The following BTNL8 variants were observed in gnomAD, a reference collection of about 807,000 sequenced individuals.
BTNL8 encodes the protein butyrophilin like 8, also known as butyrophilin-like protein 8.
BTNL8 carries 22 observed loss-of-function variants against 36.1 expected under a neutral mutation model. That is an observed-to-expected ratio of 0.61 (90% CI 0.44 to 0.87). The LOEUF (loss-of-function observed/expected upper bound fraction) is 0.87, where lower values mean the gene tolerates loss of function less well. BTNL8 is among the 40% of genes least tolerant of loss of function. The probability of loss-of-function intolerance (pLI) is 0.00; values close to 1 mark genes in which losing one functional copy is unlikely to be tolerated. For missense variants in BTNL8, 526 were observed against 616.9 expected, an observed-to-expected ratio of 0.85 and a Z score of 1.56; for synonymous variants, 203 against 235.6, an observed-to-expected ratio of 0.86 and a Z score of 1.27.
At chr5:180,948,688 A>ACT (rs1428020550) in intron 5 of BTNL8, 1 of 625,468 alleles carries the variant, frequency 1.6e-6, no homozygotes, top group African/African-American at 2.2e-5. Flanking sequence ...CACAGTGAGG[A>ACT]ACCTGAGAAA....
intron 3 of BTNL8, among the ~76,000 whole-genome samples, chr5:180,912,202 C>G (rs1757431544): frequency 6.6e-6 from 1 of 152,116 alleles, no homozygotes; most frequent in Non-Finnish European, 1.5e-5. Flanking sequence ...GACTTTTGGA[C>G]AGGAGTGACA....
chr5:180,942,751 T>G lies in BTNL8; in HGVS notation c.674-4761T>G, dbSNP rs187281883. On this transcript the variant is annotated intron_variant, in intron 3 of 7. Transcript: ENST00000340184. The stretch of plus-strand genomic sequence containing the variant: ...AGTATCAATATGCAGAAGAATGAAC[T>G]AACCCCTATCTCTCACCATATATAA... Among the ~76,000 whole-genome samples, 136 of 152,090 alleles carry G rather than the reference T, an allele frequency of 8.9e-4. 1 individual carries two copies. The highest frequency in any genetic ancestry group is 2.0e-3 in the Admixed American group (30 of 15,284).
At chr5:180,946,444 G>A (rs1336897482) in intron 3 of BTNL8, among the ~76,000 whole-genome samples, 1 of 152,158 alleles carries the variant, frequency 6.6e-6, no homozygotes, top group African/African-American at 2.4e-5. Flanking sequence ...AAAAAAGGAT[G>A]GACATTTTGT....
At position 180,950,103 on chromosome 5, in the gene BTNL8, C is replaced by T. The variant is rs757779355; in HGVS notation, c.1062C>T (p.Arg354=). Residue 354 remains arginine (R), a synonymous_variant, in exon 8 of 8, where the codon CGC becomes CGT. Coordinates refer to ENST00000340184, the MANE Select transcript of BTNL8 (RefSeq NM_001040462.3). ...ACGGAGGACACAATAAAAGGTGGCG[C>T]GTGGGAGTGTGCCGGGATGATGTGG... is the stretch of plus-strand genomic sequence containing the variant. ...EVDGGHNKRW[R]VGVCRDDVDR... 7.5e-6 allele frequency: 11 copies of T among 1,462,506 alleles called. 2 individuals carry two copies. In the East Asian group the frequency reaches 1.5e-4, roughly 19 times the overall value. The allele number at this position is 1,462,506 out of a possible 1,614,324, so 90.6% of individuals were successfully genotyped here.
chr5:180,950,361 G>A lies in BTNL8; in HGVS notation c.1320G>A (p.Leu440=). 1 of 1,463,122 alleles carries A rather than the reference G, an allele frequency of 6.8e-7. No individual in the cohort carries two copies. The highest frequency in any genetic ancestry group is 9.4e-7 in the Non-Finnish European group (1 of 1,058,964). 90.6% of individuals were successfully genotyped at this position (1,463,122 alleles called of 1,614,324 possible). A position where few individuals can be genotyped will look rare whatever the true frequency, so the allele number is the denominator to read the frequency against. ...TGACATGTCGGTTTGAAGGCTTATT[G>A]AGGCCCTACATTGAGTATCCGTCCT... is the stretch of plus-strand genomic sequence containing the variant. The part of the protein sequence containing the change: ...YTLTCRFEGL[L]RPYIEYPSYN... Residue 440 remains leucine, a synonymous_variant, in exon 8 of 8, where the codon TTG becomes TTA. Transcript: ENST00000340184.
intron 3 of BTNL8, among the ~76,000 whole-genome samples, chr5:180,930,624 A>G (rs1399412259): frequency 6.6e-6 from 1 of 152,216 alleles, no homozygotes; most frequent in Non-Finnish European, 1.5e-5. Context: ...TCGGGATACA[A>G]AATCAATGTG....
intron 3 of BTNL8, among the ~76,000 whole-genome samples, chr5:180,921,013 A>T (rs1757839109): frequency 6.6e-6 from 1 of 152,076 alleles, no homozygotes; most frequent in Admixed American, 6.6e-5. Context: ...CAGATTCCTT[A>T]AAAAAATACA....
chr5:180,913,110 G>T (rs541951216), intron 3 of BTNL8, among the ~76,000 whole-genome samples: 1 of 152,222 alleles, frequency 6.6e-6, no homozygotes, highest in East Asian at 1.9e-4. Flanking sequence ...AATGTGAGGG[G>T]GCATTGACTG....
chr5:180,900,123 A>G (rs1412652676), intron 1 of BTNL8, among the ~76,000 whole-genome samples: 2 of 152,236 alleles, frequency 1.3e-5, no homozygotes, highest in East Asian at 1.9e-4. Context: ...CCTTAAAACA[A>G]AAACCCATAT....
chr5:180,902,679 C>T (rs997412815), intron 1 of BTNL8, among the ~76,000 whole-genome samples: 1 of 143,204 alleles, frequency 7.0e-6, no homozygotes, highest in African/African-American at 2.6e-5. Context: ...TCCCCCCTCC[C>T]CCTACCCCAC....
chr5:180,949,657 A>T (rs1582071388), intron 7 of BTNL8: 1 of 558,996 alleles, frequency 1.8e-6, no homozygotes. Context: ...GTATGAAGGG[A>T]CAGTGGCAGG....
At chr5:180,901,707 G>A (rs1756827015) in intron 1 of BTNL8, among the ~76,000 whole-genome samples, 1 of 152,128 alleles carries the variant, frequency 6.6e-6, no homozygotes, top group Non-Finnish European at 1.5e-5. Context: ...AGTTTCAAAA[G>A]CGAGGTGAGG....
At chr5:180,947,804 T>C (rs748413340) in intron 4 of BTNL8, 179 bp downstream of exon 4, 2 of 1,591,792 alleles carry the variant, frequency 1.3e-6, no homozygotes, top group African/African-American at 1.4e-5. Flanking sequence ...TCTGGAAATA[T>C]CAACTACGAC....
Position 180,899,192 on chromosome 5 carries a change from G to C in BTNL8, c.-119G>C. On this transcript the variant is annotated 5_prime_UTR_variant, in exon 1 of 8. Transcript: ENST00000340184. ...GCAGTTTGCCCTCCGCTCACGCAGA[G>C]CCTCTCCGTGGCTTCCGCACCTTGA... 1 of 1,203,556 alleles carries C rather than the reference G, an allele frequency of 8.3e-7. No individual in the cohort carries two copies. The highest frequency in any genetic ancestry group is 1.2e-6 in the Non-Finnish European group (1 of 819,120). The allele number at this position is 1,203,556 out of a possible 1,614,324, so 74.6% of individuals were successfully genotyped here.
chr5:180,901,012 T>A (rs559109844), intron 1 of BTNL8, among the ~76,000 whole-genome samples: 1 of 152,264 alleles, frequency 6.6e-6, no homozygotes, highest in African/African-American at 2.4e-5. Flanking sequence ...GACGGAGCTG[T>A]CAGCAGGCAG....
chr5:180,934,793 C>A (rs1758566980), intron 3 of BTNL8, among the ~76,000 whole-genome samples: 1 of 152,194 alleles, frequency 6.6e-6, no homozygotes, highest in Admixed American at 6.5e-5. Context: ...GGAAGGGCTG[C>A]AGCTCTTCTC....
intron 3 of BTNL8, among the ~76,000 whole-genome samples, chr5:180,918,348 T>C (rs1757735231): frequency 6.6e-6 from 1 of 152,196 alleles, no homozygotes; most frequent in Non-Finnish European, 1.5e-5. Context: ...GATGCAAGAA[T>C]GTTTCAACAC....
At chr5:180,916,686 T>C (rs1445451418) in intron 3 of BTNL8, among the ~76,000 whole-genome samples, 1 of 152,218 alleles carries the variant, frequency 6.6e-6, no homozygotes, top group African/African-American at 2.4e-5. Context: ...GAGACTATCG[T>C]AGTTCTCCCT....
At chr5:180,928,127 G>A (rs1475685202) in intron 3 of BTNL8, among the ~76,000 whole-genome samples, 1 of 152,226 alleles carries the variant, frequency 6.6e-6, no homozygotes, top group African/African-American at 2.4e-5. Context: ...CAGACTAACA[G>A]TGGATCTCTC....
Sources: gnomAD v4.1 joint callset for allele counts (sites outside exome capture counted in the v4.1 genomes callset) on GRCh38, gnomAD v4.1.1 for gene constraint, MANE v1.5 for transcripts, NCBI Gene and HGNC (gene_info 2026-07-23, HGNC 2026-07-21) for gene names.